Variants in COL24A1 observed in about 807,000 individuals in gnomAD.
The protein encoded by COL24A1 is collagen type XXIV alpha 1 chain.
COL24A1 carries 224 observed loss-of-function variants against 253.9 expected under a neutral mutation model. That is an observed-to-expected ratio of 0.88 (90% CI 0.79 to 0.99). COL24A1 has a LOEUF of 0.99. COL24A1 is among the 50% of genes least tolerant of loss of function. COL24A1 has a pLI of 0.00. For synonymous variants in COL24A1, 685 were observed against 673.7 expected (o/e 1.02, Z -0.26); for missense variants, 2,131 against 2,068.5 (o/e 1.03, Z -0.59).
chr1:86,017,322 G>T, intron 18 of COL24A1, 118 bp from the exon 19 acceptor site: 1 of 921,780 alleles, frequency 1.1e-6, no homozygotes, highest in Non-Finnish European at 1.6e-6. Context: ...TGTCAAACAA[G>T]GTTGTAATGA....
intron 52 of COL24A1, among the ~76,000 whole-genome samples, chr1:85,778,756 C>A (rs1016530670): frequency 6.6e-6 from 1 of 151,884 alleles, no homozygotes; most frequent in Non-Finnish European, 1.5e-5. Flanking sequence ...TGGCATGTAC[C>A]GCCACACCCG....
chr1:85,747,966 G>T (rs1372630019), intron 55 of COL24A1, among the ~76,000 whole-genome samples: 7 of 152,100 alleles, frequency 4.6e-5, no homozygotes, highest in African/African-American at 1.4e-4. Flanking sequence ...AATTATGCAG[G>T]TCTTCCAAAC....
intron 19 of COL24A1, among the ~76,000 whole-genome samples, chr1:86,013,679 T>C (rs1696744838): frequency 6.6e-6 from 1 of 151,974 alleles, no homozygotes; most frequent in Admixed American, 6.6e-5. Flanking sequence ...CTACTAAAAA[T>C]ACAAAAATTA....
chr1:86,106,821 C>T (rs1705025105), intron 5 of COL24A1, among the ~76,000 whole-genome samples: 1 of 152,154 alleles, frequency 6.6e-6, no homozygotes, highest in African/African-American at 2.4e-5. Context: ...ATGATTTCAG[C>T]TAATGATCCC....
chr1:85,894,987 T>C (rs1683515401), intron 31 of COL24A1, among the ~76,000 whole-genome samples: 1 of 152,146 alleles, frequency 6.6e-6, no homozygotes, highest in African/African-American at 2.4e-5. Flanking sequence ...CTATTTATAT[T>C]ATCTATTTTT....
intron 6 of COL24A1, 62 bp from the exon 7 acceptor site, chr1:86,089,289 A>C: frequency 7.6e-7 from 1 of 1,315,906 alleles, no homozygotes; most frequent in Non-Finnish European, 1.1e-6. Context: ...AATTCTCTTG[A>C]AAATTAAAGC....
chr1:86,046,688 C>G, intron 12 of COL24A1, 137 bp downstream of exon 12: 1 of 970,128 alleles, frequency 1.0e-6, no homozygotes, highest in Non-Finnish European at 1.6e-6. Context: ...ATACACTATT[C>G]AAGAGGCAAA....
At chr1:85,955,433 T>C (rs1161569105) in intron 24 of COL24A1, among the ~76,000 whole-genome samples, 3 of 152,228 alleles carry the variant, frequency 2.0e-5, no homozygotes, top group Admixed American at 6.5e-5. Context: ...GAGCATCTAA[T>C]TGAGCTGATT....
intron 43 of COL24A1, among the ~76,000 whole-genome samples, chr1:85,832,849 A>G (rs566809327): frequency 3.3e-5 from 5 of 149,580 alleles, no homozygotes; most frequent in Admixed American, 1.3e-4. Flanking sequence ...GGTTTTCTAG[A>G]TATACAATCA....
chr1:85,877,187 T>C lies in COL24A1; in HGVS notation c.2977-12A>G. On this transcript the variant is annotated splice_polypyrimidine_tract_variant and intron_variant, in intron 32 of 59. Transcript: ENST00000370571. ...AGTCCTCGCAGTCCCTATATTAAAATAAAATTTAAGATATGAGAATAAAAG... is the reference window on the plus strand; with the variant it reads ...AGTCCTCGCAGTCCCTATATTAAAACAAAATTTAAGATATGAGAATAAAAG... 2 of 1,582,576 alleles carry C rather than the reference T, an allele frequency of 1.3e-6. No homozygotes were observed. The highest frequency in any genetic ancestry group is 1.7e-6 in the Non-Finnish European group (2 of 1,165,202).
intron 37 of COL24A1, among the ~76,000 whole-genome samples, chr1:85,860,261 T>C (rs1011381278): frequency 5.3e-5 from 8 of 152,226 alleles, no homozygotes; most frequent in African/African-American, 9.6e-5. Context: ...AGATGATTTT[T>C]AGTATATTCA....
At position 85,781,235 on chromosome 1, in the gene COL24A1, G is replaced by A; in HGVS notation, c.4323C>T (p.Gly1441=). 1 of 1,604,300 alleles carries A rather than the reference G, an allele frequency of 6.2e-7. No individual in the cohort carries two copies. The highest frequency in any genetic ancestry group is 8.5e-7 in the Non-Finnish European group (1 of 1,175,416). The change falls in exon 52 of 60, where the codon GGC becomes GGT. Residue 1441 remains glycine, a synonymous_variant. Transcript: ENST00000370571. ...TGPLGREGII[G]PTGRTGPRGE... ...ATAAACTTACAGTTCTACCTGTTGG[G>A]CCTATTATACCTTCTCTGCCAAGGG...
At chr1:85,982,630 T>C (rs1362844141) in intron 20 of COL24A1, among the ~76,000 whole-genome samples, 1 of 151,932 alleles carries the variant, frequency 6.6e-6, no homozygotes, top group Non-Finnish European at 1.5e-5. Context: ...CTCAGAAAAA[T>C]GATCATACAG....
At chr1:85,764,060 C>T (rs1211786884) in intron 53 of COL24A1, among the ~76,000 whole-genome samples, 1 of 151,900 alleles carries the variant, frequency 6.6e-6, no homozygotes, top group Non-Finnish European at 1.5e-5. Context: ...TATGTCATTT[C>T]CCTTATGTAA....
At chr1:85,818,228 T>C (rs1307126555) in intron 45 of COL24A1, 141 bp from the exon 46 acceptor site, 1 of 598,434 alleles carries the variant, frequency 1.7e-6, no homozygotes, top group Non-Finnish European at 2.9e-6. Flanking sequence ...CCATTTAATT[T>C]TCCTGGGAGT....
chr1:85,987,169 T>C (rs1350794769), intron 20 of COL24A1, among the ~76,000 whole-genome samples: 1 of 151,828 alleles, frequency 6.6e-6, no homozygotes, highest in African/African-American at 2.4e-5. Flanking sequence ...ACTTGTAAGT[T>C]AAAAATGCTT....
chr1:85,738,013 A>G (rs1247743819), intron 57 of COL24A1, among the ~76,000 whole-genome samples: 2 of 152,212 alleles, frequency 1.3e-5, no homozygotes, highest in Non-Finnish European at 2.9e-5. Context: ...TTTTCACATA[A>G]CTATCAATTT....
chr1:85,771,755 C>T lies in COL24A1; in HGVS notation c.4374+3919G>A, dbSNP rs189037077. 1.1e-3 allele frequency among the ~76,000 whole-genome samples: 166 copies of T among 147,878 alleles called. 1 individual carries two copies. The highest frequency in any genetic ancestry group is 4.1e-3 in the African/African-American group (164 of 40,334). ...CGTTCCTATTTCTCCACAACCTCTC[C>T]AGCATCTGTTGTTGCCTGACTTTTT... On this transcript the variant is annotated intron_variant, in intron 53 of 59. Transcript: ENST00000370571.
Position 86,057,957 on chromosome 1 carries a change from C to G in COL24A1, c.1825G>C (p.Gly609Arg). Reference protein sequence around the residue: ...PGRQGLAGPEGNPGPKGAQGF... With the variant: ...PGRQGLAGPERNPGPKGAQGF... ...TGTGCACCTTTAGGACCTGGATTAC[C>G]TTCTGGTCCAGCTAAACCCTGGTGT... Residue 609 changes from glycine to arginine, a missense_variant, in exon 10 of 60, where the codon GGT (glycine) becomes CGT (arginine). Physicochemically the swap from Gly to Arg is moderately radical, Grantham distance 125. Coordinates refer to ENST00000370571, the MANE Select transcript of COL24A1 (RefSeq NM_152890.7). The G allele has an allele frequency of 3.1e-6, 5 of 1,613,000 alleles. No individual in the cohort carries two copies. The South Asian group carries it at 5.5e-5, about 18-fold the overall frequency.
Sources: allele counts gnomAD v4.1 joint callset (sites outside exome capture counted in the v4.1 genomes callset), GRCh38; gene constraint gnomAD v4.1.1; transcripts MANE v1.5; gene names NCBI Gene and HGNC (gene_info 2026-07-23, HGNC 2026-07-21).